The following UNC119B variants were observed in gnomAD, a reference collection of about 807,000 sequenced individuals.
UNC119B encodes the protein unc-119 lipid binding chaperone B, also known as protein unc-119 homolog B.
In UNC119B, 16 loss-of-function variants were observed where a neutral mutation model predicts 23.4. The ratio of observed to expected loss-of-function variants is 0.68; its 90% CI spans 0.46 to 1.04. UNC119B has a LOEUF of 1.04. Among genes scored for constraint, UNC119B ranks in the 50% least tolerant of loss-of-function variants. The pLI, the probability that UNC119B is intolerant of heterozygous loss-of-function variation, is 0.00. For missense variants in UNC119B, 350 were observed against 361.3 expected, an observed-to-expected ratio of 0.97 and a Z score of 0.25; for synonymous variants, 144 against 145.4, an observed-to-expected ratio of 0.99 and a Z score of 0.07.
intron 4 of UNC119B, 83 bp downstream of exon 4, chr12:120,717,125 C>G: frequency 3.6e-6 from 5 of 1,385,266 alleles, no homozygotes; most frequent in East Asian, 2.3e-5. Context: ...GTCCAGCGCC[C>G]TGGCATTGTC....
rs760256723 is a variant in UNC119B, at chr12:120,716,895, C to A, written c.496C>A (p.Pro166Thr). 3.1e-6 allele frequency: 5 copies of A among 1,612,048 alleles called. No homozygotes were observed. In the African/African-American group the frequency reaches 4.0e-5, roughly 13 times the overall value. Reference sequence around the variant, plus strand: ...GGTGGAGTTCACAGTGGGAGACAAACCTGTTTCAAACTTCCGGATGATCGA... The same window carrying A: ...GGTGGAGTTCACAGTGGGAGACAAAACTGTTTCAAACTTCCGGATGATCGA... ...ATVEFTVGDK[P>T]VSNFRMIERH... The change falls in exon 4 of 5, where the codon CCT (proline) becomes ACT (threonine). Residue 166 changes from proline to threonine, a missense_variant. Coordinates refer to ENST00000344651, the MANE Select transcript of UNC119B (RefSeq NM_001080533.3).
At chr12:120,719,705 G>T (rs1882848770) in intron 4 of UNC119B, among the ~76,000 whole-genome samples, 2 of 152,134 alleles carry the variant, frequency 1.3e-5, no homozygotes, top group Admixed American at 6.5e-5. Flanking sequence ...TCCTTATGTT[G>T]AAATGGAGAT....
chr12:120,715,927 T>G (rs1882771776), intron 2 of UNC119B, among the ~76,000 whole-genome samples: 1 of 152,226 alleles, frequency 6.6e-6, no homozygotes, highest in Non-Finnish European at 1.5e-5. Context: ...CACATCTGCT[T>G]CACCCTTTCC....
intron 2 of UNC119B, among the ~76,000 whole-genome samples, chr12:120,714,079 C>T (rs776008221): frequency 6.6e-6 from 1 of 152,146 alleles, no homozygotes; most frequent in African/African-American, 2.4e-5. Context: ...GGAGGTTTAG[C>T]GCCCCCTGGA....
intron 1 of UNC119B, among the ~76,000 whole-genome samples, chr12:120,712,759 C>T (rs1194637548): frequency 1.3e-5 from 2 of 152,224 alleles, no homozygotes; most frequent in Non-Finnish European, 2.9e-5. Context: ...TTTGTGGCTA[C>T]AATGATAGAG....
intron 4 of UNC119B, 120 bp downstream of exon 4, chr12:120,717,162 T>G: frequency 9.9e-7 from 1 of 1,006,398 alleles, no homozygotes; most frequent in Non-Finnish European, 1.4e-6. Context: ...ATGATGCGTA[T>G]CTAGTCATTT....
rs1882938062 is a variant in UNC119B, at chr12:120,722,645, A to G, written c.*2613A>G. On this transcript the variant is annotated 3_prime_UTR_variant, in exon 5 of 5. Coordinates refer to ENST00000344651, the MANE Select transcript of UNC119B (RefSeq NM_001080533.3). ...CAGAGTAGCAGGCCCACCTGGTGCCAGAGGGCCTGCCCCTCCTGCTTCTGT... is the reference window on the plus strand; with the variant it reads ...CAGAGTAGCAGGCCCACCTGGTGCCGGAGGGCCTGCCCCTCCTGCTTCTGT... The G allele has an allele frequency of 1.3e-5, 2 of 152,246 alleles. No homozygotes were observed. Among genetic ancestry groups the G allele is most frequent in the African/African-American group, 4.8e-5 (2 of 41,472 alleles). The allele number at this position is 152,246 out of a possible 1,614,324, so 9.4% of individuals were successfully genotyped here.
chr12:120,717,922 A>T (rs1882815375), intron 4 of UNC119B, among the ~76,000 whole-genome samples: 1 of 148,410 alleles, frequency 6.7e-6, no homozygotes, highest in Admixed American at 6.8e-5. Flanking sequence ...CCCAGGCTGG[A>T]GTGCAGTGGC....
chr12:120,716,973 T>C lies in UNC119B; in HGVS notation c.574T>C (p.Phe192Leu). 1 of 1,613,854 alleles carries C rather than the reference T, an allele frequency of 6.2e-7. No individual in the cohort carries two copies. Residue 192 changes from phenylalanine (F) to leucine (L), a missense_variant, in exon 4 of 5, where the codon TTC (phenylalanine) becomes CTC (leucine). Phe to Leu is a conservative substitution (Grantham distance 22). Transcript: ENST00000344651. ...LLKNFDFDFG[F>L]CIPSSRNTCE... Reference sequence around the variant, plus strand: ...GAAAAACTTTGACTTTGATTTTGGCTTCTGCATCCCCAGCAGTAGGAACAC... The same window carrying C: ...GAAAAACTTTGACTTTGATTTTGGCCTCTGCATCCCCAGCAGTAGGAACAC...
At chr12:120,719,060 T>G (rs1391634308) in intron 4 of UNC119B, among the ~76,000 whole-genome samples, 1 of 152,218 alleles carries the variant, frequency 6.6e-6, no homozygotes. Context: ...GTTTTGGCAT[T>G]GGTGGGTTCA....
At chr12:120,716,784 C>G in intron 3 of UNC119B, 45 bp downstream of exon 3, 1 of 1,607,050 alleles carries the variant, frequency 6.2e-7, no homozygotes, top group South Asian at 1.1e-5. Context: ...TGTTTGTTCA[C>G]AGAGAAGAGT....
rs1882796467 is a variant in UNC119B, at chr12:120,717,054, C to G, written c.643+12C>G. The G allele has an allele frequency of 1.3e-6, 2 of 1,569,506 alleles. No homozygotes were observed. The highest frequency in any genetic ancestry group is 2.2e-5 in the East Asian group (1 of 44,648). On this transcript the variant is annotated intron_variant, in intron 4 of 4. Transcript: ENST00000344651. ...TTCGGAGGATGTCAGTATGTATCCC[C>G]TGACCCTTACAGCACTCTAGATTCT...
At position 120,720,154 on chromosome 12, in the gene UNC119B, G is replaced by A; in HGVS notation, c.*122G>A. 1 of 713,822 alleles carries A rather than the reference G, an allele frequency of 1.4e-6. No individual in the cohort carries two copies. Among genetic ancestry groups the A allele is most frequent in the Non-Finnish European group, 2.3e-6 (1 of 427,100 alleles). 44.2% of individuals were successfully genotyped at this position (713,822 alleles called of 1,614,324 possible). A position where few individuals can be genotyped will look rare whatever the true frequency, so the allele number is the denominator to read the frequency against. ...AACCTGGCCCCAGGAAGCCAAGGCT[G>A]GGGTGGCAGTTTCCTGCGCGCCAAA... On this transcript the variant is annotated 3_prime_UTR_variant, in exon 5 of 5. Coordinates refer to ENST00000344651, the MANE Select transcript of UNC119B (RefSeq NM_001080533.3).
Position 120,720,130 on chromosome 12 carries a change from A to G in UNC119B, c.*98A>G. The stretch of plus-strand genomic sequence containing the variant: ...TGCAGTTTGTCAACACACATCTGGA[A>G]CCTGGCCCCAGGAAGCCAAGGCTGG... On this transcript the variant is annotated 3_prime_UTR_variant, in exon 5 of 5. Coordinates refer to ENST00000344651, the MANE Select transcript of UNC119B (RefSeq NM_001080533.3). 1.1e-6 allele frequency: 1 copy of G among 922,954 alleles called. No individual in the cohort carries two copies. Among genetic ancestry groups the G allele is most frequent in the Non-Finnish European group, 1.7e-6 (1 of 599,150 alleles). 57.2% of individuals were successfully genotyped at this position (922,954 alleles called of 1,614,324 possible).
At chr12:120,712,044 T>G (rs1882682627) in intron 1 of UNC119B, among the ~76,000 whole-genome samples, 1 of 152,180 alleles carries the variant, frequency 6.6e-6, no homozygotes, top group Non-Finnish European at 1.5e-5. Context: ...CAGCACCTGG[T>G]CTTGGTAACC....
intron 2 of UNC119B, among the ~76,000 whole-genome samples, chr12:120,713,769 T>C (rs1882717009): frequency 6.6e-6 from 1 of 152,184 alleles, no homozygotes; most frequent in Non-Finnish European, 1.5e-5. Context: ...GGGAAAGGAA[T>C]CCTTGAAATT....
chr12:120,719,797 C>A, intron 4 of UNC119B, 123 bp from the exon 5 acceptor site: 2 of 665,136 alleles, frequency 3.0e-6, no homozygotes, highest in South Asian at 3.6e-5. Flanking sequence ...GTTATTCTGG[C>A]AGAGTATACT....
intron 4 of UNC119B, among the ~76,000 whole-genome samples, chr12:120,717,570 CT>C (rs1207860746): frequency 5.2e-5 from 7 of 135,108 alleles, no homozygotes; most frequent in Non-Finnish European, 4.8e-5. Flanking sequence ...TTGTTTTTTT[CT>C]TTTTTTTTTG....
rs1882793784 is a variant in UNC119B at position 120,716,955 on chromosome 12, T to A, written c.556T>A (p.Phe186Ile). 2 of 1,613,782 alleles carry A rather than the reference T, an allele frequency of 1.2e-6. No homozygotes were observed. Among genetic ancestry groups the A allele is most frequent in the Non-Finnish European group, 8.5e-7 (1 of 1,179,892 alleles). The change falls in exon 4 of 5, where the codon TTT becomes ATT. Residue 186 changes from phenylalanine to isoleucine, a missense_variant. Transcript: ENST00000344651. ...HYFREHLLKN[F>I]DFDFGFCIPS... is the part of the protein sequence containing the mutation. ...TTTCCGGGAACACTTGCTGAAAAACTTTGACTTTGATTTTGGCTTCTGCAT... is the reference window on the plus strand; with the variant it reads ...TTTCCGGGAACACTTGCTGAAAAACATTGACTTTGATTTTGGCTTCTGCAT...
Sources: allele counts gnomAD v4.1 joint callset (sites outside exome capture counted in the v4.1 genomes callset), GRCh38; gene constraint gnomAD v4.1.1; transcripts MANE v1.5; gene names NCBI Gene and HGNC (gene_info 2026-07-23, HGNC 2026-07-21).